PTPRD: variants seen among roughly 807,000 people sequenced by gnomAD.
PTPRD encodes the protein protein tyrosine phosphatase receptor type D.
PTPRD carries 34 observed loss-of-function variants against 214.5 expected under a neutral mutation model. The ratio of observed to expected loss-of-function variants is 0.16; its 90% CI spans 0.12 to 0.21. The LOEUF (loss-of-function observed/expected upper bound fraction) is 0.21. PTPRD is among the 10% of genes least tolerant of loss of function. The probability of loss-of-function intolerance (pLI) is 1.00; values close to 1 mark genes in which losing one functional copy is unlikely to be tolerated. For missense variants in PTPRD, 2,545 were observed against 2,398.7 expected, an observed-to-expected ratio of 1.06 and a Z score of -1.27; for synonymous variants, 1,128 against 845.7, an observed-to-expected ratio of 1.33 and a Z score of -5.79.
intron 11 of PTPRD, among the ~76,000 whole-genome samples, chr9:8,868,807 A>G (rs1181561063): frequency 6.6e-6 from 1 of 152,126 alleles, no homozygotes; most frequent in Non-Finnish European, 1.5e-5. Context: ...GTTTTCATGT[A>G]TGCCCATTCA....
At chr9:9,395,986 T>C (rs750798935) in intron 9 of PTPRD, among the ~76,000 whole-genome samples, 2 of 152,106 alleles carry the variant, frequency 1.3e-5, no homozygotes, top group Non-Finnish European at 2.9e-5. Flanking sequence ...AAATCTTGTA[T>C]TTTGTTCACT....
chr9:8,804,367 G>A (rs1248631365), intron 11 of PTPRD, among the ~76,000 whole-genome samples: 2 of 152,018 alleles, frequency 1.3e-5, no homozygotes, highest in Non-Finnish European at 2.9e-5. Flanking sequence ...GGAACCGAGA[G>A]CAGGAGGATC....
intron 9 of PTPRD, among the ~76,000 whole-genome samples, chr9:9,301,467 A>T (rs191642453): frequency 1.3e-5 from 2 of 150,822 alleles, no homozygotes; most frequent in African/African-American, 4.9e-5. Context: ...AGTGAGAAGC[A>T]TAACAGTGGG....
chr9:10,342,735 A>T (rs1282694939), intron 2 of PTPRD, among the ~76,000 whole-genome samples: 1 of 152,140 alleles, frequency 6.6e-6, no homozygotes, highest in African/African-American at 2.4e-5. Context: ...AATATAAGCC[A>T]TTCAGAGACT....
chr9:9,321,975 A>T (rs1367730413), intron 9 of PTPRD, among the ~76,000 whole-genome samples: 1 of 152,176 alleles, frequency 6.6e-6, no homozygotes, highest in East Asian at 1.9e-4. Flanking sequence ...GTTTATTGGC[A>T]AGGCACTCTG....
intron 2 of PTPRD, among the ~76,000 whole-genome samples, chr9:10,554,170 C>T (rs2061963214): frequency 6.6e-6 from 1 of 152,138 alleles, no homozygotes; most frequent in African/African-American, 2.4e-5. Flanking sequence ...TTTCTGCATG[C>T]CGTTAAACTC....
intron 3 of PTPRD, among the ~76,000 whole-genome samples, chr9:10,060,901 T>TTCC (rs1567408363): frequency 0.012 from 386 of 32,418 alleles, no homozygotes; most frequent in East Asian, 0.018. Flanking sequence ...TCCTTCCTTC[T>TTCC]TTCTTTCTTT....
intron 3 of PTPRD, among the ~76,000 whole-genome samples, chr9:10,312,908 C>T (rs549998175): frequency 4.0e-5 from 6 of 151,742 alleles, no homozygotes; most frequent in East Asian, 3.9e-4. Flanking sequence ...TTGTGAAGAA[C>T]GAACACATTC....
chr9:8,810,325 T>G (rs750809751), intron 11 of PTPRD, among the ~76,000 whole-genome samples: 1 of 152,180 alleles, frequency 6.6e-6, no homozygotes, highest in Non-Finnish European at 1.5e-5. Context: ...ACCATTGCCA[T>G]GTAGGGCCTT....
intron 4 of PTPRD, among the ~76,000 whole-genome samples, chr9:9,997,322 G>A (rs1315111826): frequency 2.1e-5 from 3 of 140,010 alleles, no homozygotes; most frequent in East Asian, 2.0e-4. Flanking sequence ...TTTCACTCTT[G>A]TTGCCCAGTC....
chr9:8,725,273 G>A (rs953621490), intron 12 of PTPRD, among the ~76,000 whole-genome samples: 1 of 152,138 alleles, frequency 6.6e-6, no homozygotes, highest in African/African-American at 2.4e-5. Context: ...GTTAGAAAAT[G>A]TAAATTTTAA....
rs534624409 is a variant in PTPRD, at chr9:9,296,003, G to C, written c.-203+101446C>G. ...CTTCCTAATATTACATGATACCTCAGGTTTTTTGTTTGTTTGTTTTGTTTT... is the reference window on the plus strand; with the variant it reads ...CTTCCTAATATTACATGATACCTCACGTTTTTTGTTTGTTTGTTTTGTTTT... On this transcript the variant is annotated intron_variant, in intron 9 of 45. Transcript: ENST00000381196. 5.9e-5 allele frequency among the ~76,000 whole-genome samples: 9 copies of C among 151,876 alleles called. No homozygotes were observed. In the South Asian group the frequency reaches 1.9e-3, roughly 32 times the overall value.
At chr9:9,268,695 G>A (rs949865889) in intron 9 of PTPRD, among the ~76,000 whole-genome samples, 6 of 149,838 alleles carry the variant, frequency 4.0e-5, no homozygotes, top group Admixed American at 6.7e-5. Context: ...GAGAGCCCAG[G>A]AATAAACCCA....
chr9:8,334,302 T>C (rs542294223), intron 43 of PTPRD, among the ~76,000 whole-genome samples: 9 of 151,424 alleles, frequency 5.9e-5, no homozygotes, highest in Admixed American at 1.3e-4. Context: ...CCTCAGCAAA[T>C]GCAAAAGAAA....
chr9:9,711,686 C>A (rs982062920), intron 7 of PTPRD, among the ~76,000 whole-genome samples: 3 of 152,148 alleles, frequency 2.0e-5, no homozygotes, highest in Non-Finnish European at 4.4e-5. Flanking sequence ...ATGATCAGAA[C>A]TGGCTAGTTA....
At chr9:9,265,325 A>C (rs148130181) in intron 9 of PTPRD, among the ~76,000 whole-genome samples, 626 of 151,762 alleles carry the variant, frequency 4.1e-3, no homozygotes, top group South Asian at 7.3e-3. Context: ...GCAGTGGCAT[A>C]ATCATAGTTC....
chr9:8,345,327 C>G (rs911913333), intron 39 of PTPRD, among the ~76,000 whole-genome samples: 2 of 152,068 alleles, frequency 1.3e-5, no homozygotes, highest in Admixed American at 1.3e-4. Flanking sequence ...AGAGAAGACT[C>G]AAATGCAGGT....
At chr9:10,078,348 CAAAAAAA>C (rs35499698) in intron 3 of PTPRD, among the ~76,000 whole-genome samples, 11 of 119,934 alleles carry the variant, frequency 9.2e-5, no homozygotes, top group East Asian at 4.9e-4. Context: ...CCATCTCTTC[CAAAAAAA>C]AAAAAAAAAA....
intron 10 of PTPRD, among the ~76,000 whole-genome samples, chr9:9,153,196 A>C (rs2099878344): frequency 6.6e-6 from 1 of 152,250 alleles, no homozygotes; most frequent in African/African-American, 2.4e-5. Flanking sequence ...TTATTTCTTC[A>C]ATAGCATCAG....
Sources: allele counts gnomAD v4.1 joint callset (sites outside exome capture counted in the v4.1 genomes callset), GRCh38; gene constraint gnomAD v4.1.1; transcripts MANE v1.5; gene names NCBI Gene and HGNC (gene_info 2026-07-23, HGNC 2026-07-21).